CALN1: variants seen among roughly 807,000 people sequenced by gnomAD.
CALN1 encodes calneuron 1, also known as calcium-binding protein 8.
In CALN1, 17 loss-of-function variants were observed where a neutral mutation model predicts 30.6. The observed-to-expected ratio is 0.56, with a 90% CI of 0.38 to 0.83. The LOEUF (loss-of-function observed/expected upper bound fraction) is 0.83. CALN1 is among the 40% of genes least tolerant of loss of function. The pLI is 0.00. For missense variants in CALN1, 291 were observed against 354.9 expected (o/e 0.82, Z 1.45); for synonymous variants, 156 against 131.4 (o/e 1.19, Z -1.28).
At chr7:72,081,417 G>GTGTGTGTTTGTGTGTGTGTGTGTGTGTC (rs1805133569) in intron 4 of CALN1, among the ~76,000 whole-genome samples, 1 of 146,190 alleles carries the variant, frequency 6.8e-6, no homozygotes, top group East Asian at 2.1e-4. Flanking sequence ...GTGTGTGTGT[G>GTGTGTGTTTGTGTGTGTGTGTGTGTGTC]TGTGTGTTTG....
At chr7:72,250,765 A>G (rs1795499036) in intron 3 of CALN1, among the ~76,000 whole-genome samples, 1 of 152,100 alleles carries the variant, frequency 6.6e-6, no homozygotes, top group Non-Finnish European at 1.5e-5. Flanking sequence ...TCCCACCATG[A>G]GTAAAAGCTC....
chr7:71,893,422 C>T (rs548493696), intron 5 of CALN1, among the ~76,000 whole-genome samples: 2 of 152,228 alleles, frequency 1.3e-5, no homozygotes, highest in Admixed American at 1.3e-4. Context: ...CGTGGTGGCT[C>T]ATGCCTGTAA....
At chr7:72,443,757 G>C (rs758004433) in intron 1 of CALN1, among the ~76,000 whole-genome samples, 5 of 151,864 alleles carry the variant, frequency 3.3e-5, no homozygotes, top group African/African-American at 1.2e-4. Context: ...CCAATCTCAC[G>C]TGGGTTCCTC....
chr7:72,390,663 A>T (rs1805521875), intron 2 of CALN1, among the ~76,000 whole-genome samples: 1 of 152,218 alleles, frequency 6.6e-6, no homozygotes, highest in African/African-American at 2.4e-5. Context: ...CGACTGTGCC[A>T]CTATTTTACT....
intron 5 of CALN1, among the ~76,000 whole-genome samples, chr7:71,957,828 G>A (rs1390746384): frequency 5.3e-5 from 8 of 152,032 alleles, no homozygotes; most frequent in Admixed American, 5.2e-4. Context: ...ACTTTGGGAG[G>A]CCGAAGCAGG....
At chr7:72,141,054 G>A (rs959246254) in intron 3 of CALN1, among the ~76,000 whole-genome samples, 1 of 152,238 alleles carries the variant, frequency 6.6e-6, no homozygotes, top group Non-Finnish European at 1.5e-5. Context: ...ATGAACTGGT[G>A]CTGTGCTGTC....
At position 72,393,597 on chromosome 7, in the gene CALN1, C is replaced by T. The variant is rs1052130625; in HGVS notation, c.119+9654G>A. Among the ~76,000 whole-genome samples the T allele has an allele frequency of 5.3e-5, 8 of 152,286 alleles. No individual in the cohort carries two copies. In the East Asian group the frequency reaches 5.8e-4, roughly 11 times the overall value. On this transcript the variant is annotated intron_variant, in intron 2 of 6. Coordinates refer to ENST00000395275, the MANE Select transcript of CALN1 (RefSeq NM_031468.4). ...CATGAACATGTACTCTGTTGATCATCAGATGTCAGATGTACTCTGTCCCAC... is the reference window on the plus strand; with the variant it reads ...CATGAACATGTACTCTGTTGATCATTAGATGTCAGATGTACTCTGTCCCAC...
At chr7:71,972,255 C>G (rs989629913) in intron 5 of CALN1, among the ~76,000 whole-genome samples, 2 of 152,136 alleles carry the variant, frequency 1.3e-5, no homozygotes, top group African/African-American at 4.8e-5. Flanking sequence ...GTTCTGAACA[C>G]CCCACAGGAT....
intron 5 of CALN1, among the ~76,000 whole-genome samples, chr7:71,882,237 G>A (rs1428038707): frequency 6.6e-6 from 1 of 152,170 alleles, no homozygotes; most frequent in African/African-American, 2.4e-5. Flanking sequence ...CAGCAGTGTT[G>A]CATCTCCTGT....
At chr7:72,033,878 G>T (rs1404449570) in intron 4 of CALN1, among the ~76,000 whole-genome samples, 1 of 152,140 alleles carries the variant, frequency 6.6e-6, no homozygotes, top group Admixed American at 6.6e-5. Context: ...ACTGGGGAAA[G>T]GGTCTTAGTT....
chr7:71,950,853 G>A (rs1407873706), intron 5 of CALN1, among the ~76,000 whole-genome samples: 2 of 152,118 alleles, frequency 1.3e-5, no homozygotes, highest in African/African-American at 4.8e-5. Flanking sequence ...TTAGGACTTT[G>A]TATCTACTGT....
Position 72,184,192 on chromosome 7 carries a change from G to A in CALN1, c.245-77898C>T, listed in dbSNP as rs182943840. ...TGGCATGATGGTTAATTTTTCAATC[G>A]TCGTCTTCGAATACGTTGACATATC... is the stretch of plus-strand genomic sequence containing the variant. On this transcript the variant is annotated intron_variant, in intron 3 of 6. Coordinates refer to ENST00000395275, the MANE Select transcript of CALN1 (RefSeq NM_031468.4). Among the ~76,000 whole-genome samples the A allele has an allele frequency of 4.1e-4, 63 of 152,196 alleles. 1 individual carries two copies. Among genetic ancestry groups the A allele is most frequent in the Admixed American group, 2.7e-3 (41 of 15,286 alleles).
chr7:72,027,050 G>A (rs1339312312), intron 4 of CALN1, among the ~76,000 whole-genome samples: 1 of 152,154 alleles, frequency 6.6e-6, no homozygotes, highest in African/African-American at 2.4e-5. Flanking sequence ...CCCACAATGG[G>A]GTGAAAATGG....
At chr7:72,193,139 G>C (rs1441264602) in intron 3 of CALN1, among the ~76,000 whole-genome samples, 1 of 151,408 alleles carries the variant, frequency 6.6e-6, no homozygotes, top group Non-Finnish European at 1.5e-5. Flanking sequence ...AGTGAATCAA[G>C]ATTGTGCCAC....
chr7:72,487,768 GAAA>G, the CALN1 span, among the ~76,000 whole-genome samples: 5 of 76,314 alleles, frequency 6.6e-5, no homozygotes, highest in African/African-American at 2.3e-4. Flanking sequence ...GAAGGGTAAA[GAAA>G]GAAAGAAAGA....
intron 5 of CALN1, among the ~76,000 whole-genome samples, chr7:71,868,893 C>T (rs1204509547): frequency 1.3e-5 from 2 of 152,126 alleles, no homozygotes. Context: ...TGTTTGTAGC[C>T]TAAGAATAGA....
At chr7:72,294,690 A>G (rs1798728030) in intron 2 of CALN1, among the ~76,000 whole-genome samples, 1 of 151,866 alleles carries the variant, frequency 6.6e-6, no homozygotes, top group African/African-American at 2.4e-5. Context: ...TCAAGGCTGC[A>G]GTGAGCATAA....
chr7:71,886,814 TG>T (rs1353673643), intron 5 of CALN1, among the ~76,000 whole-genome samples: 1 of 150,786 alleles, frequency 6.6e-6, no homozygotes, highest in Non-Finnish European at 1.5e-5. Context: ...TTCTATGTTA[TG>T]GGGTAGCATT....
chr7:72,214,690 G>A (rs532065086), intron 3 of CALN1, among the ~76,000 whole-genome samples: 34 of 151,976 alleles, frequency 2.2e-4, no homozygotes, highest in Non-Finnish European at 3.8e-4. Flanking sequence ...ATTAGGAGCC[G>A]AGCCGCACAG....
Sources: allele counts gnomAD v4.1 joint callset (sites outside exome capture counted in the v4.1 genomes callset), GRCh38; gene constraint gnomAD v4.1.1; transcripts MANE v1.5; gene names NCBI Gene and HGNC (gene_info 2026-07-23, HGNC 2026-07-21).